The following UBR3 variants were observed in gnomAD, a reference collection of about 807,000 sequenced individuals.
UBR3 encodes the protein ubiquitin protein ligase E3 component n-recognin 3, also known as E3 ubiquitin-protein ligase UBR3.
UBR3 carries 85 observed loss-of-function variants against 243.2 expected under a neutral mutation model. The ratio of observed to expected loss-of-function variants is 0.35; its 90% CI spans 0.29 to 0.42. The LOEUF (loss-of-function observed/expected upper bound fraction) is 0.42. UBR3 is among the 10% of genes least tolerant of loss of function. UBR3 has a pLI of 1.00. For missense variants in UBR3, 1,686 were observed against 2,300.8 expected (o/e 0.73, Z 5.47); for synonymous variants, 748 against 799.8 (o/e 0.94, Z 1.09).
Position 169,908,984 on chromosome 2 carries a change from C to T in UBR3, c.1779+2820C>T, listed in dbSNP as rs539004406. On this transcript the variant is annotated intron_variant, in intron 10 of 38. Coordinates refer to ENST00000272793, the MANE Select transcript of UBR3 (RefSeq NM_172070.4). The stretch of plus-strand genomic sequence containing the variant: ...GACTACAGGTGCCCGCCACCAAGCC[C>T]GGCCAATTTTTTGTATTTTTTTTAG... Among the ~76,000 whole-genome samples the T allele has an allele frequency of 1.1e-4, 16 of 152,078 alleles. No individual in the cohort carries two copies. In the East Asian group the frequency reaches 2.3e-3, roughly 22 times the overall value.
At chr2:170,002,923 A>G (rs73017696) in intron 27 of UBR3, among the ~76,000 whole-genome samples, 6,513 of 152,182 alleles carry the variant, frequency 0.043, 155 homozygotes, top group Middle Eastern at 0.061. Context: ...GCTCGATCAT[A>G]GCTCACTGAA....
intron 19 of UBR3, 65 bp downstream of exon 19, chr2:169,933,073 A>G: frequency 1.8e-6 from 2 of 1,091,852 alleles, no homozygotes; most frequent in Non-Finnish European, 2.6e-6. Flanking sequence ...AATTTCAGTG[A>G]TAACACAGAT....
chr2:169,890,557 A>ATGTGTGTGTATATATATATG (rs2084312236), intron 5 of UBR3, among the ~76,000 whole-genome samples: 2 of 93,968 alleles, frequency 2.1e-5, no homozygotes, highest in African/African-American at 4.7e-5. Flanking sequence ...ATATATATAT[A>ATGTGTGTGTATATATATATG]TATATATGTG....
chr2:169,952,342 G>T (rs1051556815), intron 23 of UBR3, among the ~76,000 whole-genome samples: 1 of 152,072 alleles, frequency 6.6e-6, no homozygotes, highest in Non-Finnish European at 1.5e-5. Context: ...CAATAAGATT[G>T]GCCATCCTAT....
chr2:169,882,490 C>T (rs1478464420), intron 5 of UBR3, among the ~76,000 whole-genome samples: 2 of 150,220 alleles, frequency 1.3e-5, no homozygotes, highest in Non-Finnish European at 3.0e-5. Context: ...ACTGTAATCC[C>T]AGCATTTTGG....
At chr2:169,966,447 A>G (rs978162604) in intron 24 of UBR3, among the ~76,000 whole-genome samples, 3 of 152,184 alleles carry the variant, frequency 2.0e-5, no homozygotes, top group African/African-American at 7.2e-5. Flanking sequence ...CCACTATCCA[A>G]ATAACATGTA....
At chr2:170,007,920 T>C (rs917783972) in intron 28 of UBR3, among the ~76,000 whole-genome samples, 1 of 152,150 alleles carries the variant, frequency 6.6e-6, no homozygotes, top group Non-Finnish European at 1.5e-5. Flanking sequence ...TCTGTGTGTG[T>C]GTGTGTGTGT....
At chr2:169,854,905 ATAAT>A (rs2082784858) in intron 1 of UBR3, among the ~76,000 whole-genome samples, 1 of 152,208 alleles carries the variant, frequency 6.6e-6, no homozygotes, top group African/African-American at 2.4e-5. Context: ...AATACTATAT[ATAAT>A]AAATTCTTAA....
intron 1 of UBR3, among the ~76,000 whole-genome samples, chr2:169,831,566 G>A (rs2081943736): frequency 1.3e-5 from 2 of 152,156 alleles, no homozygotes; most frequent in African/African-American, 4.8e-5. Context: ...ACAATAAACA[G>A]TATTGTGGCC....
At chr2:169,936,517 TTTATTA>T (rs74513911) in intron 19 of UBR3, among the ~76,000 whole-genome samples, 16 of 151,036 alleles carry the variant, frequency 1.1e-4, no homozygotes, top group African/African-American at 2.7e-4. Flanking sequence ...GCGTTTTCTT[TTTATTA>T]TTATTATTAT....
intron 3 of UBR3, 139 bp downstream of exon 3, chr2:169,876,088 T>C: frequency 1.4e-6 from 1 of 703,330 alleles, no homozygotes; most frequent in East Asian, 4.0e-5. Flanking sequence ...GAACTTCTTT[T>C]TTTTTTTTTT....
chr2:170,073,730 T>TA, intron 36 of UBR3, 123 bp downstream of exon 36: 2 of 966,078 alleles, frequency 2.1e-6, no homozygotes, highest in Admixed American at 3.5e-5. Flanking sequence ...TTGATTAAAT[T>TA]GAAAAAATTG....
At chr2:169,882,565 A>T (rs1331149554) in intron 5 of UBR3, among the ~76,000 whole-genome samples, 1 of 150,762 alleles carries the variant, frequency 6.6e-6, no homozygotes, top group Non-Finnish European at 1.5e-5. Flanking sequence ...ACATTGTGAA[A>T]CCCCATCTCT....
At chr2:169,948,950 C>T (rs953124198) in intron 22 of UBR3, among the ~76,000 whole-genome samples, 1 of 151,210 alleles carries the variant, frequency 6.6e-6, no homozygotes, top group Non-Finnish European at 1.5e-5. Flanking sequence ...TAGTCCTTGA[C>T]CCACAAACCA....
intron 1 of UBR3, among the ~76,000 whole-genome samples, chr2:169,858,561 A>G (rs2082971316): frequency 6.6e-6 from 1 of 151,926 alleles, no homozygotes; most frequent in Admixed American, 6.6e-5. Flanking sequence ...TGTTCTTTGT[A>G]TATTACTTTT....
At chr2:170,060,932 A>G in intron 33 of UBR3, 147 bp from the exon 34 acceptor site, 1 of 516,566 alleles carries the variant, frequency 1.9e-6, no homozygotes. Flanking sequence ...AGAGGTGTAC[A>G]GTTTTACCCA....
At position 170,008,791 on chromosome 2, in the gene UBR3, C is replaced by T. The variant is rs749517418; in HGVS notation, c.4231-13C>T. 6 of 1,180,314 alleles carry T rather than the reference C, an allele frequency of 5.1e-6. No homozygotes were observed. Among genetic ancestry groups the T allele is most frequent in the Non-Finnish European group, 7.2e-6 (6 of 834,152 alleles). 73.1% of individuals were successfully genotyped at this position (1,180,314 alleles called of 1,614,324 possible). Reference sequence around the variant, plus strand: ...AATATAAACTTTATATGTATGTTTGCATTTTTTTATAGTCAGAAACAAATT... The same window carrying T: ...AATATAAACTTTATATGTATGTTTGTATTTTTTTATAGTCAGAAACAAATT... On this transcript the variant is annotated splice_polypyrimidine_tract_variant and intron_variant, in intron 28 of 38. Transcript: ENST00000272793.
chr2:170,023,491 CCTCTGT>C (rs556042278), intron 30 of UBR3, among the ~76,000 whole-genome samples: 38 of 152,116 alleles, frequency 2.5e-4, no homozygotes, highest in African/African-American at 8.7e-4. Flanking sequence ...CTCACAGCAA[CCTCTGT>C]CTCCTGGGTT....
intron 1 of UBR3, among the ~76,000 whole-genome samples, chr2:169,858,702 C>T (rs1460361878): frequency 2.0e-5 from 3 of 152,186 alleles, no homozygotes; most frequent in Admixed American, 6.5e-5. Context: ...CAGCTTCAAG[C>T]GATTCTCCCG....
Sources: allele counts gnomAD v4.1 joint callset (sites outside exome capture counted in the v4.1 genomes callset), GRCh38; gene constraint gnomAD v4.1.1; transcripts MANE v1.5; gene names NCBI Gene and HGNC (gene_info 2026-07-23, HGNC 2026-07-21).